The following FRMD6 variants were observed in gnomAD, a reference collection of about 807,000 sequenced individuals.
FRMD6 encodes the protein FERM domain-containing protein 6.
FRMD6 carries 37 observed loss-of-function variants against 73.2 expected under a neutral mutation model. The observed-to-expected ratio is 0.51, with a 90% CI of 0.39 to 0.66. The LOEUF (loss-of-function observed/expected upper bound fraction) is 0.66, where lower values mean the gene tolerates loss of function less well. Among genes scored for constraint, FRMD6 ranks in the 30% least tolerant of loss-of-function variants. The pLI, the probability that FRMD6 is intolerant of heterozygous loss-of-function variation, is 0.00. For missense variants in FRMD6, 714 were observed against 780.5 expected, an observed-to-expected ratio of 0.91 and a Z score of 1.02; for synonymous variants, 273 against 282.2, an observed-to-expected ratio of 0.97 and a Z score of 0.33.
chr14:51,569,570 C>T (rs149837575), intron 1 of FRMD6, among the ~76,000 whole-genome samples: 33 of 142,800 alleles, frequency 2.3e-4, no homozygotes, highest in Admixed American at 1.4e-3. Flanking sequence ...GTGGTGTGAA[C>T]ACAGCTCATT....
chr14:51,663,393 G>T (rs953750764), intron 1 of FRMD6, among the ~76,000 whole-genome samples: 2 of 152,220 alleles, frequency 1.3e-5, no homozygotes, highest in African/African-American at 4.8e-5. Flanking sequence ...ACTGGATAAA[G>T]AAAATGTGGT....
intron 2 of FRMD6, among the ~76,000 whole-genome samples, chr14:51,599,239 G>A (rs1017299461): frequency 5.3e-5 from 8 of 151,904 alleles, no homozygotes; most frequent in African/African-American, 1.9e-4. Flanking sequence ...TAAGCAATGG[G>A]AAAAGGACTT....
intron 2 of FRMD6, among the ~76,000 whole-genome samples, chr14:51,618,560 G>A (rs1890799849): frequency 6.6e-6 from 1 of 152,152 alleles, no homozygotes; most frequent in Non-Finnish European, 1.5e-5. Flanking sequence ...GAGTTAGGAG[G>A]GAAATAGGCA....
chr14:51,619,307 C>G (rs149683543), intron 2 of FRMD6, among the ~76,000 whole-genome samples: 3 of 151,436 alleles, frequency 2.0e-5, no homozygotes, highest in African/African-American at 7.3e-5. Context: ...TACACAAAGA[C>G]TTCTGTGGAT....
At chr14:51,673,880 GAAGT>G (rs1458542444) in intron 1 of FRMD6, among the ~76,000 whole-genome samples, 1 of 152,160 alleles carries the variant, frequency 6.6e-6, no homozygotes, top group African/African-American at 2.4e-5. Flanking sequence ...AGTCTGAAAG[GAAGT>G]ATTTCTTTTT....
intron 2 of FRMD6, among the ~76,000 whole-genome samples, chr14:51,595,869 G>T (rs1450406676): frequency 6.6e-6 from 1 of 151,984 alleles, no homozygotes; most frequent in Admixed American, 6.6e-5. Context: ...ATTAATTAAT[G>T]GTATTCTAAT....
chr14:51,467,134 C>G, the FRMD6 span, among the ~76,000 whole-genome samples: 7 of 152,126 alleles, frequency 4.6e-5, no homozygotes, highest in Non-Finnish European at 1.0e-4. Context: ...GTGTTTGTGT[C>G]CCTGGGTACT....
At chr14:51,633,198 C>T (rs1447953839) in intron 2 of FRMD6, among the ~76,000 whole-genome samples, 3 of 151,744 alleles carry the variant, frequency 2.0e-5, no homozygotes, top group Non-Finnish European at 2.9e-5. Context: ...TTTTTAAATA[C>T]AGATTTCTTA....
intron 1 of FRMD6, among the ~76,000 whole-genome samples, chr14:51,507,838 T>C (rs1203345661): frequency 6.6e-6 from 1 of 152,216 alleles, no homozygotes; most frequent in African/African-American, 2.4e-5. Flanking sequence ...AATTGCCTCC[T>C]GATCATTCCC....
At chr14:51,617,954 G>A (rs1321972739) in intron 2 of FRMD6, among the ~76,000 whole-genome samples, 1 of 152,104 alleles carries the variant, frequency 6.6e-6, no homozygotes, top group East Asian at 1.9e-4. Flanking sequence ...ACTTGCAAGT[G>A]TTTAATGAAA....
At chr14:51,454,115 T>C in the FRMD6 span, among the ~76,000 whole-genome samples, 1 of 152,178 alleles carries the variant, frequency 6.6e-6, no homozygotes. Context: ...GAGTCATTCA[T>C]TGAGAACAGC....
At chr14:51,719,099 G>C (rs1451572021) in intron 10 of FRMD6, among the ~76,000 whole-genome samples, 2 of 152,114 alleles carry the variant, frequency 1.3e-5, no homozygotes, top group Non-Finnish European at 2.9e-5. Flanking sequence ...GTATTAAAAA[G>C]GCAAGGAATC....
At chr14:51,424,506 G>A in the FRMD6 span, among the ~76,000 whole-genome samples, 3 of 151,620 alleles carry the variant, frequency 2.0e-5, no homozygotes, top group African/African-American at 4.9e-5. Context: ...GAATCAGGAC[G>A]CTTCCGCTGA....
intron 1 of FRMD6, among the ~76,000 whole-genome samples, chr14:51,656,011 T>C (rs1892794411): frequency 6.6e-6 from 1 of 152,252 alleles, no homozygotes; most frequent in Non-Finnish European, 1.5e-5. Flanking sequence ...AGGAAACTAC[T>C]AATGTCTACT....
At chr14:51,644,336 T>C (rs1891953240) in intron 2 of FRMD6, among the ~76,000 whole-genome samples, 1 of 150,244 alleles carries the variant, frequency 6.7e-6, no homozygotes, top group African/African-American at 2.5e-5. Context: ...GCATCTCAGA[T>C]TTCTCTGCCT....
At chr14:51,405,762 A>G in the FRMD6 span, among the ~76,000 whole-genome samples, 1 of 151,798 alleles carries the variant, frequency 6.6e-6, no homozygotes, top group Non-Finnish European at 1.5e-5. Context: ...GTTTGCAAAT[A>G]TTTTCTCCCA....
intron 2 of FRMD6, among the ~76,000 whole-genome samples, chr14:51,583,199 T>C (rs1289533499): frequency 6.6e-6 from 1 of 152,198 alleles, no homozygotes; most frequent in Admixed American, 6.5e-5. Context: ...GTCTTTATTA[T>C]GTTTATTTGT....
intron 1 of FRMD6, among the ~76,000 whole-genome samples, chr14:51,538,591 G>A (rs1481816396): frequency 6.6e-6 from 1 of 152,034 alleles, no homozygotes; most frequent in Non-Finnish European, 1.5e-5. Context: ...TGAGATATTG[G>A]TGTAACATCA....
chr14:51,687,675 A>G (rs956867323), intron 1 of FRMD6, among the ~76,000 whole-genome samples: 2 of 152,188 alleles, frequency 1.3e-5, no homozygotes, highest in African/African-American at 4.8e-5. Context: ...GGACATATAT[A>G]GGGTACAGTA....
Sources: allele counts gnomAD v4.1 joint callset (sites outside exome capture counted in the v4.1 genomes callset), GRCh38; gene constraint gnomAD v4.1.1; transcripts MANE v1.5; gene names NCBI Gene and HGNC (gene_info 2026-07-23, HGNC 2026-07-21).